ADCY8: variants seen among roughly 807,000 people sequenced by gnomAD.
ADCY8 encodes the protein adenylate cyclase 8, also known as adenylate cyclase type 8.
In ADCY8, 51 loss-of-function variants were observed where a neutral mutation model predicts 119.7. The ratio of observed to expected loss-of-function variants is 0.43; its 90% CI spans 0.34 to 0.54. ADCY8 has a LOEUF of 0.54. Ranked by LOEUF, ADCY8 falls within the 20% of genes least tolerant of loss-of-function variation. ADCY8 has a pLI of 0.03. For missense variants in ADCY8, 1,383 were observed against 1,598.8 expected, an observed-to-expected ratio of 0.87 and a Z score of 2.30; for synonymous variants, 665 against 651.0, an observed-to-expected ratio of 1.02 and a Z score of -0.33.
intron 1 of ADCY8, among the ~76,000 whole-genome samples, chr8:131,031,826 A>C (rs1056675040): frequency 1.2e-4 from 19 of 152,174 alleles, no homozygotes; most frequent in African/African-American, 4.3e-4. Flanking sequence ...TTGTTATAGC[A>C]GCATAAGATG....
At chr8:130,893,794 TTGTG>T (rs780323461) in intron 7 of ADCY8, among the ~76,000 whole-genome samples, 3 of 144,200 alleles carry the variant, frequency 2.1e-5, no homozygotes, top group East Asian at 2.0e-4. Context: ...GTGTGCATGT[TTGTG>T]TGTGTGCATG....
rs1816987130 is a variant in ADCY8, at chr8:130,836,376, A to T, written c.2576T>A (p.Leu859Gln). 6 of 1,613,916 alleles carry T rather than the reference A, an allele frequency of 3.7e-6. No individual in the cohort carries two copies. Among genetic ancestry groups the T allele is most frequent in the Non-Finnish European group, 5.1e-6 (6 of 1,179,954 alleles). The part of the protein sequence containing the change: ...VFLRLNSVLK[L>Q]AVLLIMIAIY... ...GGCAATCATGATCAGCAGCACTGCC[A>T]GCTTCAGGACGGAGTTCAGCCGGAG... Residue 859 changes from leucine (L) to glutamine (Q), a missense_variant, in exon 12 of 18, where the codon CTG becomes CAG. Leu to Gln is a moderately radical substitution (Grantham distance 113). Coordinates refer to ENST00000286355, the MANE Select transcript of ADCY8 (RefSeq NM_001115.3).
intron 14 of ADCY8, among the ~76,000 whole-genome samples, chr8:130,806,305 A>T (rs1586431457): frequency 6.6e-6 from 1 of 152,216 alleles, no homozygotes; most frequent in Non-Finnish European, 1.5e-5. Context: ...TGGTTCCAGT[A>T]ACTGCTTTTT....
chr8:130,816,227 G>A (rs1816336150), intron 13 of ADCY8, among the ~76,000 whole-genome samples: 1 of 152,070 alleles, frequency 6.6e-6, no homozygotes, highest in African/African-American at 2.4e-5. Flanking sequence ...CATTTTGTTG[G>A]CTGAGTAAAC....
At chr8:130,834,835 T>C (rs1816937459) in intron 12 of ADCY8, among the ~76,000 whole-genome samples, 1 of 152,212 alleles carries the variant, frequency 6.6e-6, no homozygotes, top group Non-Finnish European at 1.5e-5. Context: ...TGTGCGTGTG[T>C]ATATATGTGT....
At chr8:130,871,475 G>T (rs1818352737) in intron 8 of ADCY8, among the ~76,000 whole-genome samples, 1 of 152,090 alleles carries the variant, frequency 6.6e-6, no homozygotes, top group Non-Finnish European at 1.5e-5. Context: ...ATCTCATAAG[G>T]GTTACTGGGA....
Position 131,039,465 on chromosome 8 carries a change from G to A in ADCY8, c.869C>T (p.Thr290Ile), listed in dbSNP as rs1370708931. The change falls in exon 1 of 18, where the codon ACC becomes ATC. Residue 290 changes from threonine (T) to isoleucine (I), a missense_variant. This residue lies in a region of ADCY8 where 455 missense variants were observed against 435.3 expected (regional missense o/e 1.05). Transcript: ENST00000286355. ...ATYSMLPLPLTWAILAGLGTS... is the reference protein window; with the variant it reads ...ATYSMLPLPLIWAILAGLGTS... Reference sequence around the variant, plus strand: ...GCCCAGGCCGGCCAGGATGGCCCAGGTGAGCGGCAGCGGCAGCATACTGTA... The same window carrying A: ...GCCCAGGCCGGCCAGGATGGCCCAGATGAGCGGCAGCGGCAGCATACTGTA... 6.2e-6 allele frequency: 10 copies of A among 1,614,044 alleles called. No individual in the cohort carries two copies. The highest frequency in any genetic ancestry group is 8.5e-6 in the Non-Finnish European group (10 of 1,180,054).
chr8:131,022,475 G>C (rs911720908), intron 1 of ADCY8, among the ~76,000 whole-genome samples: 1 of 152,188 alleles, frequency 6.6e-6, no homozygotes, highest in Non-Finnish European at 1.5e-5. Flanking sequence ...TGGTTGTATA[G>C]TATTCCATGG....
chr8:131,039,784 C>A lies in ADCY8; in HGVS notation c.550G>T (p.Val184Leu). Residue 184 changes from valine (V) to leucine (L), a missense_variant, in exon 1 of 18, where the codon GTG (valine) becomes TTG (leucine). Physicochemically the swap from Val to Leu is conservative, Grantham distance 32. Coordinates refer to ENST00000286355, the MANE Select transcript of ADCY8 (RefSeq NM_001115.3). ...FLGQRRKSEV[V>L]MNVLDVLTKL... ...GTCAGCACGTCCAGCACGTTCATCA[C>A]CACTTCCGATTTGCGCCTTTGGCCC... 1 of 1,614,212 alleles carries A rather than the reference C, an allele frequency of 6.2e-7. No homozygotes were observed. Among genetic ancestry groups the A allele is most frequent in the East Asian group, 2.2e-5 (1 of 44,880 alleles).
At chr8:130,867,985 A>T in intron 8 of ADCY8, 39 bp from the exon 9 acceptor site, 1 of 1,412,802 alleles carries the variant, frequency 7.1e-7, no homozygotes, top group Non-Finnish European at 9.9e-7. Context: ...ACTTTGCAGC[A>T]GAGTGCAGTG....
chr8:131,039,620 G>C lies in ADCY8; in HGVS notation c.714C>G (p.Ser238=). 1 of 1,614,102 alleles carries C rather than the reference G, an allele frequency of 6.2e-7. No homozygotes were observed. Among genetic ancestry groups the C allele is most frequent in the African/African-American group, 1.3e-5 (1 of 75,038 alleles). The change falls in exon 1 of 18, where the codon TCC becomes TCG. Residue 238 remains serine (S), a synonymous_variant. Coordinates refer to ENST00000286355, the MANE Select transcript of ADCY8 (RefSeq NM_001115.3). The part of the protein sequence containing the change: ...ALVVVRKDTT[S]HTYLQYSGVV... Reference sequence around the variant, plus strand: ...CGCCGCTGTACTGCAGGTACGTGTGGGAGGTGGTGTCCTTCCTGACCACCA... The same window carrying C: ...CGCCGCTGTACTGCAGGTACGTGTGCGAGGTGGTGTCCTTCCTGACCACCA...
chr8:130,928,986 A>AT (rs1820552136), intron 5 of ADCY8, among the ~76,000 whole-genome samples: 2 of 151,818 alleles, frequency 1.3e-5, no homozygotes, highest in African/African-American at 4.8e-5. Context: ...GTCTATTAAG[A>AT]TTTTCTATTT....
intron 1 of ADCY8, among the ~76,000 whole-genome samples, chr8:131,003,745 T>C (rs773591793): frequency 6.6e-6 from 1 of 152,150 alleles, no homozygotes; most frequent in Non-Finnish European, 1.5e-5. Flanking sequence ...GACACAGGGC[T>C]TTATTTTAAA....
chr8:131,016,992 G>T (rs1241458180), intron 1 of ADCY8, among the ~76,000 whole-genome samples: 3 of 151,858 alleles, frequency 2.0e-5, no homozygotes, highest in Admixed American at 6.6e-5. Context: ...GTTGGAGAAA[G>T]AACTCGTGCT....
chr8:130,789,305 A>C (rs1439408632), intron 15 of ADCY8, among the ~76,000 whole-genome samples: 1 of 152,168 alleles, frequency 6.6e-6, no homozygotes, highest in African/African-American at 2.4e-5. Context: ...AGACAAGTTG[A>C]AGCATGTATC....
intron 2 of ADCY8, among the ~76,000 whole-genome samples, chr8:130,985,957 G>A (rs1044389394): frequency 3.9e-5 from 6 of 152,096 alleles, no homozygotes; most frequent in East Asian, 1.9e-4. Flanking sequence ...GAGACACCTC[G>A]AAATGCCATG....
At chr8:130,868,584 C>G (rs780722227) in intron 8 of ADCY8, among the ~76,000 whole-genome samples, 6 of 152,184 alleles carry the variant, frequency 3.9e-5, no homozygotes, top group Non-Finnish European at 8.8e-5. Flanking sequence ...TTAAAAGCTT[C>G]TAGAAGGTCA....
chr8:130,994,374 A>C (rs1327069955), intron 1 of ADCY8, among the ~76,000 whole-genome samples: 1 of 152,180 alleles, frequency 6.6e-6, no homozygotes, highest in Non-Finnish European at 1.5e-5. Flanking sequence ...CCATTCTTCC[A>C]CCAAAGCTTC....
At chr8:130,990,362 A>T in intron 2 of ADCY8, 31 bp downstream of exon 2, 1 of 1,610,138 alleles carries the variant, frequency 6.2e-7, no homozygotes, top group Non-Finnish European at 8.5e-7. Context: ...GCTAGGTGAT[A>T]ACTAAAACAC....
Sources: allele counts gnomAD v4.1 joint callset (sites outside exome capture counted in the v4.1 genomes callset), GRCh38; gene constraint gnomAD v4.1.1; regional missense constraint gnomAD v4.1.1; transcripts MANE v1.5; gene names NCBI Gene and HGNC (gene_info 2026-07-23, HGNC 2026-07-21).